SMAP1: variants seen among roughly 807,000 people sequenced by gnomAD.
SMAP1 encodes the protein small ArfGAP 1.
In SMAP1, 24 loss-of-function variants were observed where a neutral mutation model predicts 58.5. The ratio of observed to expected loss-of-function variants is 0.41; its 90% confidence interval spans 0.30 to 0.58. The LOEUF is 0.58. SMAP1 is among the 20% of genes least tolerant of loss of function. The pLI is 0.29. For synonymous variants in SMAP1, 216 were observed against 196.6 expected (o/e 1.10, Z -0.82); for missense variants, 563 against 566.3 (o/e 0.99, Z 0.06).
chr6:70,831,379 G>A (rs1770351585), intron 6 of SMAP1, among the ~76,000 whole-genome samples: 1 of 152,076 alleles, frequency 6.6e-6, no homozygotes, highest in South Asian at 2.1e-4. Context: ...CAAGTCATAA[G>A]CATAATACCT....
In SMAP1 at chr6:70,858,287, C is replaced by CTTTT. The variant is rs68188898; in HGVS notation, c.1269+83_1269+86dup. 15 of 290,726 alleles carry CTTTT rather than the reference C, an allele frequency of 5.2e-5. No homozygotes were observed. The African/African-American group carries it at 5.2e-4, about 10-fold the overall frequency. The allele number at this position is 290,726 out of a possible 1,614,324, so 18.0% of individuals were successfully genotyped here. ...ATCAAACCAGATTTATTTTCTAAAT[C>CTTTT]TTTTTTTTTTTTTTTTTTTTTTTTT... On this transcript the variant is annotated intron_variant, in intron 10 of 10. Coordinates refer to ENST00000370455, the MANE Select transcript of SMAP1 (RefSeq NM_001044305.3).
At chr6:70,754,417 T>G (rs1305182302) in intron 2 of SMAP1, among the ~76,000 whole-genome samples, 3 of 152,042 alleles carry the variant, frequency 2.0e-5, no homozygotes, top group African/African-American at 7.2e-5. Context: ...GTTTGGGCAT[T>G]AGGCACAATT....
At chr6:70,772,254 C>A (rs1025156296) in intron 3 of SMAP1, among the ~76,000 whole-genome samples, 1 of 152,134 alleles carries the variant, frequency 6.6e-6, no homozygotes, top group Non-Finnish European at 1.5e-5. Context: ...GTTGTGTGGT[C>A]TGTCATCCCT....
At chr6:70,733,944 A>G (rs1159996243) in intron 2 of SMAP1, among the ~76,000 whole-genome samples, 2 of 152,116 alleles carry the variant, frequency 1.3e-5, no homozygotes, top group Non-Finnish European at 2.9e-5. Context: ...TTGTAATCAG[A>G]GGGCTGCAGT....
intron 1 of SMAP1, among the ~76,000 whole-genome samples, chr6:70,725,476 A>T (rs1442954989): frequency 6.6e-6 from 1 of 152,034 alleles, no homozygotes; most frequent in Non-Finnish European, 1.5e-5. Flanking sequence ...AGTATAGCTG[A>T]CCATGAGCAG....
intron 1 of SMAP1, among the ~76,000 whole-genome samples, chr6:70,689,113 C>A (rs1767052655): frequency 6.6e-6 from 1 of 152,020 alleles, no homozygotes; most frequent in Non-Finnish European, 1.5e-5. Flanking sequence ...AAGTGATTCT[C>A]ATGTCATGCC....
At chr6:70,806,893 A>G (rs771692139) in intron 6 of SMAP1, among the ~76,000 whole-genome samples, 1 of 152,178 alleles carries the variant, frequency 6.6e-6, no homozygotes, top group Non-Finnish European at 1.5e-5. Flanking sequence ...GCTCAGTGTT[A>G]CTAGTTGCTG....
chr6:70,695,909 C>G (rs1434603990), intron 1 of SMAP1, among the ~76,000 whole-genome samples: 1 of 152,100 alleles, frequency 6.6e-6, no homozygotes, highest in Non-Finnish European at 1.5e-5. Flanking sequence ...GGGTCCTGGA[C>G]TTTTCTTTGC....
Position 70,814,999 on chromosome 6 carries a change from T to G in SMAP1, c.576+16262T>G, listed in dbSNP as rs927621557. ...ACAGATATGGAACTAGCTGTGTTTTTCCTACTCAGAGGTTAGACTGGAGCC... is the reference window on the plus strand; with the variant it reads ...ACAGATATGGAACTAGCTGTGTTTTGCCTACTCAGAGGTTAGACTGGAGCC... On this transcript the variant is annotated intron_variant, in intron 6 of 10. Transcript: ENST00000370455. Among the ~76,000 whole-genome samples, 4 of 152,154 alleles carry G rather than the reference T, an allele frequency of 2.6e-5. No individual in the cohort carries two copies. The East Asian group carries it at 7.7e-4, about 29-fold the overall frequency.
chr6:70,724,007 C>T (rs1768647840), intron 1 of SMAP1, among the ~76,000 whole-genome samples: 1 of 151,738 alleles, frequency 6.6e-6, no homozygotes, highest in Non-Finnish European at 1.5e-5. Flanking sequence ...AGTTAAATAT[C>T]AATTCTTTTG....
At chr6:70,794,155 A>C (rs1768495155) in intron 5 of SMAP1, among the ~76,000 whole-genome samples, 1 of 152,232 alleles carries the variant, frequency 6.6e-6, no homozygotes, top group African/African-American at 2.4e-5. Context: ...CAGCTGTTTC[A>C]CTACGTCACT....
At chr6:70,849,665 A>T (rs1035490070) in intron 7 of SMAP1, among the ~76,000 whole-genome samples, 1 of 152,206 alleles carries the variant, frequency 6.6e-6, no homozygotes, top group Non-Finnish European at 1.5e-5. Flanking sequence ...ACCTACACAT[A>T]CATAATTTTA....
At chr6:70,791,652 G>T (rs1177599952) in intron 4 of SMAP1, 37 bp from the exon 5 acceptor site, 14 of 1,546,330 alleles carry the variant, frequency 9.1e-6, no homozygotes, top group Admixed American at 7.2e-5. Flanking sequence ...CCTTCTTTTT[G>T]TTTTTTTCCT....
intron 1 of SMAP1, among the ~76,000 whole-genome samples, chr6:70,692,934 C>T (rs1767234869): frequency 6.6e-6 from 1 of 152,144 alleles, no homozygotes; most frequent in Non-Finnish European, 1.5e-5. Context: ...CAGGTGCCCA[C>T]TACCATGCCC....
intron 6 of SMAP1, among the ~76,000 whole-genome samples, chr6:70,814,980 A>T (rs956474043): frequency 1.3e-5 from 2 of 152,166 alleles, no homozygotes; most frequent in African/African-American, 4.8e-5. Flanking sequence ...ATGGACAGAT[A>T]TGGAACTAGC....
intron 4 of SMAP1, among the ~76,000 whole-genome samples, chr6:70,776,295 G>A (rs12210698): frequency 0.14 from 20,943 of 152,004 alleles, 1,526 homozygotes; most frequent in Middle Eastern, 0.23. Flanking sequence ...CAATTCTTCT[G>A]CCTCAGCCTC....
intron 6 of SMAP1, among the ~76,000 whole-genome samples, chr6:70,826,235 T>G (rs1237149642): frequency 6.6e-6 from 1 of 152,172 alleles, no homozygotes; most frequent in Non-Finnish European, 1.5e-5. Flanking sequence ...TTAGAACCAT[T>G]TATAAAGCAC....
chr6:70,735,744 G>A (rs1009615923), intron 2 of SMAP1, among the ~76,000 whole-genome samples: 9 of 152,180 alleles, frequency 5.9e-5, no homozygotes, highest in African/African-American at 9.7e-5. Flanking sequence ...ACTCCGCCAT[G>A]AGTTATAGAG....
intron 2 of SMAP1, among the ~76,000 whole-genome samples, chr6:70,743,234 G>A (rs1171408524): frequency 6.6e-6 from 1 of 152,166 alleles, no homozygotes; most frequent in Non-Finnish European, 1.5e-5. Flanking sequence ...TTTCTGGCAG[G>A]TCTAGTGGTC....
Sources: gnomAD v4.1 joint callset for allele counts (sites outside exome capture counted in the v4.1 genomes callset) on GRCh38, gnomAD v4.1.1 for gene constraint, MANE v1.5 for transcripts, NCBI Gene and HGNC (gene_info 2026-07-23, HGNC 2026-07-21) for gene names.